The following MGMT variants were observed in gnomAD, a reference collection of about 807,000 sequenced individuals.
The protein encoded by MGMT is O-6-methylguanine-DNA methyltransferase.
In MGMT, 14 loss-of-function variants were observed where a neutral mutation model predicts 15.9. The observed-to-expected ratio is 0.88, with a 90% CI of 0.58 to 1.37. The LOEUF (loss-of-function observed/expected upper bound fraction) is 1.37, where lower values mean the gene tolerates loss of function less well. Among genes scored for constraint, MGMT ranks in the 40% most tolerant of loss-of-function variants. The pLI is 0.00. For synonymous variants in MGMT, 130 were observed against 118.2 expected (o/e 1.10, Z -0.65); for missense variants, 282 against 268.1 (o/e 1.05, Z -0.36).
rs1363431237 is a variant in MGMT, at chr10:129,716,917, A to G, written c.274+8874A>G. 2.0e-5 allele frequency among the ~76,000 whole-genome samples: 3 copies of G among 152,358 alleles called. No homozygotes were observed. In the East Asian group the frequency reaches 5.8e-4, roughly 29 times the overall value. On this transcript the variant is annotated intron_variant, in intron 3 of 4. Transcript: ENST00000651593. ...GCTACTTAGGTTGAATGCCAATTAT[A>G]TTTTAATATTCAACTGAGCATATTT... is the stretch of plus-strand genomic sequence containing the variant.
At chr10:129,762,567 T>C (rs1337224050) in intron 4 of MGMT, among the ~76,000 whole-genome samples, 1 of 152,100 alleles carries the variant, frequency 6.6e-6, no homozygotes, top group Non-Finnish European at 1.5e-5. Flanking sequence ...TTTCCCAGTA[T>C]ATTGAGTAGA....
At chr10:129,620,738 A>T (rs1847081994) in intron 2 of MGMT, among the ~76,000 whole-genome samples, 1 of 152,092 alleles carries the variant, frequency 6.6e-6, no homozygotes, top group East Asian at 1.9e-4. Context: ...TGGAACCAGG[A>T]TATAGTGATC....
At chr10:129,467,347 G>A (rs1361442847) in intron 1 of MGMT, 51 bp downstream of exon 1, 14 of 1,498,958 alleles carry the variant, frequency 9.3e-6, no homozygotes, top group South Asian at 8.8e-5. Context: ...CTCTCCCTCG[G>A]GACGGTGGCA....
intron 1 of MGMT, among the ~76,000 whole-genome samples, chr10:129,476,168 G>A (rs1845291819): frequency 6.6e-6 from 1 of 152,172 alleles, no homozygotes; most frequent in Admixed American, 6.5e-5. Context: ...GGAAGCATGG[G>A]CTTATAAGCC....
At chr10:129,642,691 G>C (rs988487058) in intron 2 of MGMT, among the ~76,000 whole-genome samples, 7 of 152,138 alleles carry the variant, frequency 4.6e-5, no homozygotes, top group Admixed American at 4.6e-4. Flanking sequence ...CACTGTGGCA[G>C]CCAAAAATGC....
chr10:129,536,445 C>T (rs1029729484), intron 2 of MGMT, 68 bp downstream of exon 2: 16 of 1,545,642 alleles, frequency 1.0e-5, no homozygotes, highest in Middle Eastern at 1.7e-4. Flanking sequence ...TATGTGATAA[C>T]GGCATGTTTT....
chr10:129,667,306 G>A lies in MGMT; in HGVS notation c.126-40589G>A, dbSNP rs1346353701. 2.0e-5 allele frequency among the ~76,000 whole-genome samples: 3 copies of A among 152,126 alleles called. No homozygotes were observed. The East Asian group carries it at 5.8e-4, about 29-fold the overall frequency. The stretch of plus-strand genomic sequence containing the variant: ...TTTTCTTTATAGAGTTGTTGCCTAA[G>A]TATGCACCCTTCAACACGATACTGT... On this transcript the variant is annotated intron_variant, in intron 2 of 4. Transcript: ENST00000651593.
At chr10:129,713,368 T>G (rs773681706) in intron 3 of MGMT, among the ~76,000 whole-genome samples, 2 of 152,140 alleles carry the variant, frequency 1.3e-5, no homozygotes, top group Non-Finnish European at 2.9e-5. Context: ...TCTTTCAGCC[T>G]TAGGGCTGCT....
intron 1 of MGMT, among the ~76,000 whole-genome samples, chr10:129,511,591 C>A (rs1448861662): frequency 6.6e-6 from 1 of 152,220 alleles, no homozygotes; most frequent in Non-Finnish European, 1.5e-5. Context: ...TAAGCCAGCA[C>A]CAAGGTTCTG....
chr10:129,577,574 A>G (rs1282615365), intron 2 of MGMT, among the ~76,000 whole-genome samples: 1 of 152,244 alleles, frequency 6.6e-6, no homozygotes, highest in Non-Finnish European at 1.5e-5. Context: ...ACCTAAAACC[A>G]TAAAAAGCCT....
At chr10:129,520,816 T>C (rs1407853020) in intron 1 of MGMT, among the ~76,000 whole-genome samples, 8 of 147,846 alleles carry the variant, frequency 5.4e-5, no homozygotes, top group Non-Finnish European at 1.2e-4. Flanking sequence ...GCCCCTACGG[T>C]GCGGGTACAG....
At chr10:129,678,882 G>A (rs909128471) in intron 2 of MGMT, among the ~76,000 whole-genome samples, 10 of 151,944 alleles carry the variant, frequency 6.6e-5, no homozygotes, top group Non-Finnish European at 1.3e-4. Context: ...GACCAGTCCC[G>A]GCCAACATGG....
chr10:129,585,054 G>A (rs1014202083), intron 2 of MGMT, among the ~76,000 whole-genome samples: 1 of 152,098 alleles, frequency 6.6e-6, no homozygotes, highest in Non-Finnish European at 1.5e-5. Flanking sequence ...AAAACTTATG[G>A]TTTTCTAATA....
intron 2 of MGMT, among the ~76,000 whole-genome samples, chr10:129,688,345 A>C (rs1236044228): frequency 1.3e-5 from 2 of 152,192 alleles, no homozygotes; most frequent in African/African-American, 2.4e-5. Flanking sequence ...CATCCTCTCC[A>C]GCACCTGTTG....
At chr10:129,605,788 G>T (rs377687076) in intron 2 of MGMT, among the ~76,000 whole-genome samples, 1 of 152,124 alleles carries the variant, frequency 6.6e-6, no homozygotes, top group Admixed American at 6.5e-5. Flanking sequence ...GGTCTTGCGG[G>T]TTAATTCGGA....
chr10:129,713,123 C>A (rs1848252057), intron 3 of MGMT, among the ~76,000 whole-genome samples: 1 of 152,080 alleles, frequency 6.6e-6, no homozygotes. Flanking sequence ...AAAAAAATTA[C>A]CAATTGAAAG....
intron 3 of MGMT, among the ~76,000 whole-genome samples, chr10:129,735,434 A>G (rs1373144271): frequency 2.6e-5 from 4 of 152,118 alleles, no homozygotes; most frequent in African/African-American, 9.7e-5. Context: ...TATTGCGTCT[A>G]TTTGATTCTT....
intron 4 of MGMT, among the ~76,000 whole-genome samples, chr10:129,765,273 T>A (rs1848920517): frequency 6.6e-6 from 1 of 152,198 alleles, no homozygotes; most frequent in Non-Finnish European, 1.5e-5. Context: ...TTTAGAAATC[T>A]GTGCAAGACT....
intron 2 of MGMT, among the ~76,000 whole-genome samples, chr10:129,589,450 G>A (rs774284298): frequency 1.1e-4 from 17 of 152,226 alleles, no homozygotes; most frequent in Non-Finnish European, 1.9e-4. Context: ...GTCGAATTTG[G>A]ATTCTCAGTC....
Sources: gnomAD v4.1 joint callset for allele counts (sites outside exome capture counted in the v4.1 genomes callset) on GRCh38, gnomAD v4.1.1 for gene constraint, MANE v1.5 for transcripts, NCBI Gene and HGNC (gene_info 2026-07-23, HGNC 2026-07-21) for gene names.